TNRC6B: variants seen among roughly 807,000 people sequenced by gnomAD.
The protein encoded by TNRC6B is trinucleotide repeat-containing gene 6B protein.
In TNRC6B, 52 loss-of-function variants were observed where a neutral mutation model predicts 203.6. That is an observed-to-expected ratio of 0.26 (90% CI 0.20 to 0.32). TNRC6B has a LOEUF of 0.32. Among genes scored for constraint, TNRC6B ranks in the 10% least tolerant of loss-of-function variants. The probability of loss-of-function intolerance (pLI) is 1.00; values close to 1 mark genes in which losing one functional copy is unlikely to be tolerated. For synonymous variants in TNRC6B, 838 were observed against 845.7 expected (o/e 0.99, Z 0.16); for missense variants, 1,923 against 2,286.2 (o/e 0.84, Z 3.24).
intron 1 of TNRC6B, among the ~76,000 whole-genome samples, chr22:40,228,528 T>C (rs2069822907): frequency 6.6e-6 from 1 of 151,582 alleles, no homozygotes; most frequent in Admixed American, 6.6e-5. Context: ...GCTGTTTCTT[T>C]TTTTTTTTTG....
chr22:40,288,819 G>A (rs1428781557), intron 12 of TNRC6B, among the ~76,000 whole-genome samples: 4 of 150,408 alleles, frequency 2.7e-5, no homozygotes, highest in Admixed American at 6.6e-5. Context: ...GGGATTACAG[G>A]CGTGAGCCAC....
At chr22:40,125,745 A>T in intron 2 of TNRC6B, 1 of 1,548,290 alleles carries the variant, frequency 6.5e-7, no homozygotes, top group Non-Finnish European at 8.7e-7. Context: ...AATTCCTTAC[A>T]TACTTTTTTC....
In TNRC6B at chr22:40,298,125, A is replaced by AAAAAAT. The variant is rs372173266; in HGVS notation, c.3709-2308_3709-2303dup. 2.5e-4 allele frequency among the ~76,000 whole-genome samples: 38 copies of AAAAAAT among 152,060 alleles called. 1 individual carries two copies. The highest frequency in any genetic ancestry group is 7.7e-4 in the African/African-American group (32 of 41,416). On this transcript the variant is annotated intron_variant, in intron 12 of 22. Transcript: ENST00000454349. ...GAGCAACAGAGCGAGACTCCATCTC[A>AAAAAAT]AAAAATAAAAATAAAAATAAAAATA... is the stretch of plus-strand genomic sequence containing the variant.
chr22:40,149,619 G>A (rs927523208), intron 3 of TNRC6B, among the ~76,000 whole-genome samples: 13 of 146,846 alleles, frequency 8.9e-5, no homozygotes, highest in South Asian at 2.1e-4. Context: ...GCAGTGAGCC[G>A]AGATCGCGCC....
intron 1 of TNRC6B, among the ~76,000 whole-genome samples, chr22:40,108,753 C>T (rs1034522947): frequency 6.6e-6 from 1 of 152,108 alleles, no homozygotes; most frequent in Non-Finnish European, 1.5e-5. Flanking sequence ...TTTGAAATAC[C>T]ATTTTTAATT....
intron 11 of TNRC6B, among the ~76,000 whole-genome samples, 184 bp from the exon 12 acceptor site, chr22:40,285,461 C>T (rs1946445599): frequency 6.6e-6 from 1 of 152,126 alleles, no homozygotes; most frequent in African/African-American, 2.4e-5. Flanking sequence ...GTACAGGTGC[C>T]CATGAGTCAA....
chr22:40,269,555 A>G (rs2070530731), intron 5 of TNRC6B, among the ~76,000 whole-genome samples: 1 of 151,794 alleles, frequency 6.6e-6, no homozygotes, highest in Non-Finnish European at 1.5e-5. Flanking sequence ...TATACATGTA[A>G]TTTCACCTAT....
chr22:40,156,543 T>C (rs1264763477), intron 4 of TNRC6B, among the ~76,000 whole-genome samples: 1 of 152,202 alleles, frequency 6.6e-6, no homozygotes, highest in Non-Finnish European at 1.5e-5. Context: ...ACTAAACTAA[T>C]AGACCATTTC....
At chr22:40,090,818 A>T (rs1416036123) in intron 1 of TNRC6B, among the ~76,000 whole-genome samples, 1 of 152,174 alleles carries the variant, frequency 6.6e-6, no homozygotes, top group African/African-American at 2.4e-5. Flanking sequence ...ATTCTCACTA[A>T]CAGGAAGCAG....
intron 1 of TNRC6B, chr22:40,045,049 C>T (rs2146256810): frequency 6.9e-6 from 1 of 145,468 alleles, no homozygotes; most frequent in South Asian, 2.2e-4. Context: ...CGCGCCCCGC[C>T]GGGACGGAGC....
Position 40,265,173 on chromosome 22 carries a change from G to A in TNRC6B, c.943G>A (p.Val315Ile). 1 of 1,613,958 alleles carries A rather than the reference G, an allele frequency of 6.2e-7. No homozygotes were observed. Among genetic ancestry groups the A allele is most frequent in the Non-Finnish European group, 8.5e-7 (1 of 1,179,892 alleles). ...CAACCCATCTGCCTGGCCAGCACTGGTCCAAGAAGGAACTTCTAGGAAAGG... is the reference window on the plus strand; with the variant it reads ...CAACCCATCTGCCTGGCCAGCACTGATCCAAGAAGGAACTTCTAGGAAAGG... The part of the protein sequence containing the change: ...NSNPSAWPAL[V>I]QEGTSRKGAL... The change falls in exon 5 of 23, where the codon GTC (valine) becomes ATC (isoleucine). Residue 315 changes from valine to isoleucine, a missense_variant. Physicochemically the swap from Val to Ile is conservative, Grantham distance 29 (BLOSUM62 3). This residue lies in a region of TNRC6B where 614 missense variants were observed against 587.7 expected (regional missense o/e 1.04). Transcript: ENST00000454349.
chr22:40,190,414 A>G (rs539276442), intron 1 of TNRC6B, among the ~76,000 whole-genome samples: 10 of 152,346 alleles, frequency 6.6e-5, no homozygotes, highest in South Asian at 4.1e-4. Flanking sequence ...TAAAACTTAC[A>G]TATCTGTGTT....
chr22:40,211,232 C>T (rs376995376), intron 1 of TNRC6B, among the ~76,000 whole-genome samples: 4 of 152,024 alleles, frequency 2.6e-5, no homozygotes, highest in Admixed American at 6.6e-5. Context: ...AGGTGTGTGC[C>T]GCCACGCCAG....
At chr22:40,077,582 G>A (rs1044791583) in intron 1 of TNRC6B, among the ~76,000 whole-genome samples, 1 of 152,052 alleles carries the variant, frequency 6.6e-6, no homozygotes, top group Non-Finnish European at 1.5e-5. Context: ...TGGGCTACAA[G>A]CAGTTTTTCA....
intron 1 of TNRC6B, among the ~76,000 whole-genome samples, chr22:40,075,156 A>ATATATATATATATATATATATATTTT: frequency 2.8e-5 from 1 of 35,562 alleles, no homozygotes; most frequent in Non-Finnish European, 5.2e-5. Flanking sequence ...ATATATATAT[A>ATATATATATATATATATATATATTTT]TTTTTTTTTT....
At chr22:40,217,826 T>C (rs973450984) in intron 1 of TNRC6B, among the ~76,000 whole-genome samples, 5 of 151,836 alleles carry the variant, frequency 3.3e-5, no homozygotes, top group Non-Finnish European at 5.9e-5. Flanking sequence ...AATACAAAAA[T>C]TAGCCGGGCC....
chr22:40,070,746 C>CT (rs1468582552), intron 1 of TNRC6B, among the ~76,000 whole-genome samples: 3 of 151,544 alleles, frequency 2.0e-5, no homozygotes, highest in Non-Finnish European at 2.9e-5. Flanking sequence ...ATCAGAAACT[C>CT]TTAAGGGCCA....
At chr22:40,063,042 T>C (rs533493077) in intron 1 of TNRC6B, among the ~76,000 whole-genome samples, 6 of 152,318 alleles carry the variant, frequency 3.9e-5, no homozygotes, top group African/African-American at 1.4e-4. Context: ...TCTTCTAAGA[T>C]TGTTATAGTT....
chr22:40,128,592 C>CAGCTCAT (rs2068515360), intron 3 of TNRC6B, among the ~76,000 whole-genome samples: 1 of 151,810 alleles, frequency 6.6e-6, no homozygotes, highest in Non-Finnish European at 1.5e-5. Flanking sequence ...TCACAGCTCA[C>CAGCTCAT]AGCTCACTGC....
Sources: gnomAD v4.1 joint callset for allele counts (sites outside exome capture counted in the v4.1 genomes callset) on GRCh38, gnomAD v4.1.1 for gene constraint, gnomAD v4.1.1 regional missense constraint, MANE v1.5 for transcripts, NCBI Gene and HGNC (gene_info 2026-07-23, HGNC 2026-07-21) for gene names.